The following PIWIL3 variants were observed in gnomAD, a reference collection of about 807,000 sequenced individuals.
PIWIL3 encodes piwi-like protein 3.
Under a neutral mutation model 109.7 loss-of-function variants are expected in PIWIL3, and 101 were observed. The ratio of observed to expected loss-of-function variants is 0.92; its 90% CI spans 0.78 to 1.09. The LOEUF (loss-of-function observed/expected upper bound fraction) is 1.09. Among genes scored for constraint, PIWIL3 ranks in the 50% least tolerant of loss-of-function variants. The probability of loss-of-function intolerance (pLI) is 0.00; values close to 1 mark genes in which losing one functional copy is unlikely to be tolerated. For missense variants in PIWIL3, 1,031 were observed against 1,072.6 expected, an observed-to-expected ratio of 0.96 and a Z score of 0.54; for synonymous variants, 373 against 376.4, an observed-to-expected ratio of 0.99 and a Z score of 0.10.
In PIWIL3 at chr22:24,751,393, G is replaced by A. The variant is rs764081463; in HGVS notation, c.1083C>T (p.Tyr361=). The A allele has an allele frequency of 3.7e-6, 6 of 1,608,922 alleles. No individual in the cohort carries two copies. The highest frequency in any genetic ancestry group is 1.1e-5 in the South Asian group (1 of 89,668). Residue 361 remains tyrosine, a synonymous_variant, in exon 9 of 21, where the codon TAC becomes TAT. Coordinates refer to ENST00000616349, the MANE Select transcript of PIWIL3 (RefSeq NM_001255975.1). ...DGSKITYIDY[Y]RQQHKEIVTV... is the part of the protein sequence containing the mutation. ...AAGAAATACAGTTTCATACCTGCCT[G>A]TAGTAGTCTATATAGGTGATTTTGC...
At chr22:24,724,818 C>A in intron 18 of PIWIL3, 69 bp downstream of exon 18, 1 of 1,510,830 alleles carries the variant, frequency 6.6e-7, no homozygotes, top group Non-Finnish European at 9.0e-7. Context: ...GGGATCTGCC[C>A]ACCTTAACCT....
In PIWIL3 at chr22:24,724,818, C is replaced by T. The variant is rs1282912641; in HGVS notation, c.2231+69G>A. ...AACTCCTGGGCTCAAGGGATCTGCC[C>T]ACCTTAACCTTCCAAAGTGCTGGGA... On this transcript the variant is annotated intron_variant, in intron 18 of 20. Transcript: ENST00000616349. 3 of 1,510,834 alleles carry T rather than the reference C, an allele frequency of 2.0e-6. No homozygotes were observed. The African/African-American group carries it at 4.1e-5, about 21-fold the overall frequency. The allele number at this position is 1,510,834 out of a possible 1,614,324, so 93.6% of individuals were successfully genotyped here.
At chr22:24,765,784 C>CA (rs71189279) in intron 1 of PIWIL3, among the ~76,000 whole-genome samples, 47,931 of 138,394 alleles carry the variant, frequency 0.35, 8,020 homozygotes, top group East Asian at 0.57. Context: ...GTATTTGGTC[C>CA]AAAAAAAAAA....
chr22:24,761,313 C>T (rs1925424875), intron 2 of PIWIL3, among the ~76,000 whole-genome samples: 1 of 152,080 alleles, frequency 6.6e-6, no homozygotes, highest in Admixed American at 6.6e-5. Flanking sequence ...AGGAGAACTC[C>T]ACAAAGGAGA....
intron 8 of PIWIL3, among the ~76,000 whole-genome samples, chr22:24,752,950 A>G (rs9624583): frequency 0.03 from 4,615 of 152,218 alleles, 78 homozygotes; most frequent in African/African-American, 0.033. Flanking sequence ...GCATCTATTG[A>G]TCATTTGTAC....
chr22:24,722,541 C>T (rs1170209368), intron 19 of PIWIL3, among the ~76,000 whole-genome samples: 9 of 152,140 alleles, frequency 5.9e-5, no homozygotes, highest in Admixed American at 1.3e-4. Flanking sequence ...GGTGAAACCC[C>T]GTCTCTACTA....
chr22:24,767,945 C>T (rs1925892916), intron 1 of PIWIL3, among the ~76,000 whole-genome samples: 1 of 152,178 alleles, frequency 6.6e-6, no homozygotes, highest in Admixed American at 6.5e-5. Flanking sequence ...CCCAAGCTCA[C>T]AGGCCAAAAG....
At chr22:24,754,272 T>C (rs1924883136) in intron 7 of PIWIL3, 55 bp from the exon 8 acceptor site, 13 of 1,470,344 alleles carry the variant, frequency 8.8e-6, no homozygotes, top group Non-Finnish European at 1.2e-5. Context: ...AAGCCAAGGG[T>C]TTCCAAGCCT....
chr22:24,720,285 T>G lies in PIWIL3; in HGVS notation c.2358-390A>C, dbSNP rs867529551. Among the ~76,000 whole-genome samples, 814 of 121,620 alleles carry G rather than the reference T, an allele frequency of 6.7e-3. 15 individuals are homozygous for G. The highest frequency in any genetic ancestry group is 0.024 in the African/African-American group (741 of 30,598). The allele number at this position is 121,620 out of a possible 152,430, so 79.8% of individuals were successfully genotyped here. ...TTTTTTTTTTTTTTTTTTTTTTTTT[T>G]TTTTTAGACGGAGTCTGGCTCTGTC... On this transcript the variant is annotated intron_variant, in intron 19 of 20. Coordinates refer to ENST00000616349, the MANE Select transcript of PIWIL3 (RefSeq NM_001255975.1).
At chr22:24,744,199 A>AC (rs1317508099) in intron 12 of PIWIL3, among the ~76,000 whole-genome samples, 3 of 148,548 alleles carry the variant, frequency 2.0e-5, no homozygotes, top group East Asian at 1.9e-4. Context: ...AAAAAAAAAA[A>AC]AAAAAAAACA....
chr22:24,744,178 T>TAAAAAAAAAAAAAAAAA (rs1188611412), intron 12 of PIWIL3, among the ~76,000 whole-genome samples: 10 of 34,310 alleles, frequency 2.9e-4, no homozygotes, highest in Non-Finnish European at 4.0e-4. Flanking sequence ...GTGACCGAAT[T>TAAAAAAAAAAAAAAAAA]AAAAAAAAAA....
intron 12 of PIWIL3, 71 bp downstream of exon 12, chr22:24,748,836 C>A (rs1202496198): frequency 5.8e-6 from 7 of 1,212,490 alleles, no homozygotes; most frequent in Non-Finnish European, 8.2e-6. Context: ...TACTGAGACT[C>A]AAGTTAGTTC....
intron 2 of PIWIL3, 129 bp from the exon 3 acceptor site, chr22:24,760,118 A>C: frequency 7.9e-7 from 1 of 1,263,634 alleles, no homozygotes; most frequent in South Asian, 1.4e-5. Context: ...GACATAAACT[A>C]AGTTGTAATA....
At position 24,732,232 on chromosome 22, in the gene PIWIL3, A is replaced by G. The variant is rs577146094; in HGVS notation, c.1707+1852T>C. Among the ~76,000 whole-genome samples the G allele has an allele frequency of 2.0e-4, 30 of 152,322 alleles. No individual in the cohort carries two copies. The South Asian group carries it at 6.0e-3, about 31-fold the overall frequency. The stretch of plus-strand genomic sequence containing the variant: ...ATGCCACATGGCTTGATTCCTAGTT[A>G]CATACATGAATCCCCTTCTATTGCT... On this transcript the variant is annotated intron_variant, in intron 14 of 20. Coordinates refer to ENST00000616349, the MANE Select transcript of PIWIL3 (RefSeq NM_001255975.1).
intron 16 of PIWIL3, among the ~76,000 whole-genome samples, chr22:24,726,182 G>T (rs910181788): frequency 6.6e-6 from 1 of 152,236 alleles, no homozygotes; most frequent in African/African-American, 2.4e-5. Context: ...GAATGATTTG[G>T]CTCATGATGG....
Position 24,724,997 on chromosome 22 carries a change from T to C in PIWIL3, c.2121A>G (p.Pro707=), listed in dbSNP as rs781094217. 2.2e-5 allele frequency: 35 copies of C among 1,614,048 alleles called. No individual in the cohort carries two copies. Among genetic ancestry groups the C allele is most frequent in the Non-Finnish European group, 3.0e-5 (35 of 1,180,014 alleles). ...DVWCKNESSM[P]HSVIVYRDGV... Reference sequence around the variant, plus strand: ...CATCCCGATACACAATAACAGAATGTGGCATCGATGATTCGTTTTTACACC... The same window carrying C: ...CATCCCGATACACAATAACAGAATGCGGCATCGATGATTCGTTTTTACACC... Residue 707 remains proline, a synonymous_variant, in exon 18 of 21, where the codon CCA becomes CCG. Coordinates refer to ENST00000616349, the MANE Select transcript of PIWIL3 (RefSeq NM_001255975.1).
chr22:24,735,664 T>C (rs1259043354), intron 13 of PIWIL3, 44 bp downstream of exon 13: 3 of 1,509,392 alleles, frequency 2.0e-6, no homozygotes. Flanking sequence ...TACTTTAAGA[T>C]TGCTAACAAT....
rs779239192 is a variant in PIWIL3 at position 24,755,893 on chromosome 22, AC to A, written c.582del (p.Trp194CysfsTer2). Reference sequence around the variant, plus strand: ...ATGTTTTTGTCTTTGGTTGTGCTCAACCATTCCACTCTCTGAGATTAAAAAA... The same window carrying A: ...ATGTTTTTGTCTTTGGTTGTGCTCAACATTCCACTCTCTGAGATTAAAAAA... ...SRPLKERRVE[W>X]LSTTKDKNIV... On this transcript the variant is annotated frameshift_variant, in exon 6 of 21. Coordinates refer to ENST00000616349, the MANE Select transcript of PIWIL3 (RefSeq NM_001255975.1). LOFTEE classifies it high-confidence loss of function. 3.3e-5 allele frequency: 53 copies of A among 1,613,202 alleles called. No individual in the cohort carries two copies. Among genetic ancestry groups the A allele is most frequent in the Non-Finnish European group, 4.3e-5 (51 of 1,179,710 alleles).
intron 1 of PIWIL3, among the ~76,000 whole-genome samples, chr22:24,767,124 G>A (rs1925841218): frequency 6.6e-6 from 1 of 151,714 alleles, no homozygotes; most frequent in Admixed American, 6.6e-5. Context: ...CCGGGTGACA[G>A]AGTGAGACTC....
Sources: gnomAD v4.1 joint callset for allele counts (sites outside exome capture counted in the v4.1 genomes callset) on GRCh38, gnomAD v4.1.1 for gene constraint, MANE v1.5 for transcripts, NCBI Gene and HGNC (gene_info 2026-07-23, HGNC 2026-07-21) for gene names.